ZNF385D: variants seen among roughly 807,000 people sequenced by gnomAD.
ZNF385D encodes the protein zinc finger protein 385D.
ZNF385D carries 15 observed loss-of-function variants against 35.8 expected under a neutral mutation model. That is an observed-to-expected ratio of 0.42 (90% CI 0.28 to 0.64). ZNF385D has a LOEUF of 0.64. Ranked by LOEUF, ZNF385D falls within the 30% of genes least tolerant of loss-of-function variation. ZNF385D has a pLI of 0.23. For missense variants in ZNF385D, 474 were observed against 494.6 expected, an observed-to-expected ratio of 0.96 and a Z score of 0.39; for synonymous variants, 212 against 186.8, an observed-to-expected ratio of 1.13 and a Z score of -1.10.
chr3:22,139,617 G>A (rs1484565567), intron 3 of ZNF385D, among the ~76,000 whole-genome samples: 2 of 151,832 alleles, frequency 1.3e-5, no homozygotes, highest in Non-Finnish European at 2.9e-5. Context: ...GCCTGTTGTG[G>A]GGTGGGGGGA....
At chr3:21,903,981 T>G (rs1438624400) in intron 3 of ZNF385D, among the ~76,000 whole-genome samples, 1 of 152,078 alleles carries the variant, frequency 6.6e-6, no homozygotes, top group Non-Finnish European at 1.5e-5. Flanking sequence ...TTTCAAAGGT[T>G]TGCATCCCCA....
intron 1 of ZNF385D, among the ~76,000 whole-genome samples, chr3:21,701,394 G>C (rs921351007): frequency 6.6e-6 from 1 of 152,098 alleles, no homozygotes; most frequent in African/African-American, 2.4e-5. Flanking sequence ...AATAGCACGG[G>C]AAAGACTGGG....
intron 3 of ZNF385D, among the ~76,000 whole-genome samples, chr3:21,884,715 A>G (rs182290214): frequency 6.6e-6 from 1 of 152,158 alleles, no homozygotes; most frequent in African/African-American, 2.4e-5. Context: ...GAAATACTAT[A>G]TAATTGTGTG....
chr3:21,848,620 A>C (rs961457932), intron 3 of ZNF385D, among the ~76,000 whole-genome samples: 2 of 152,050 alleles, frequency 1.3e-5, no homozygotes, highest in South Asian at 2.1e-4. Flanking sequence ...ACACATCAAC[A>C]AATTGGACAA....
Position 21,993,719 on chromosome 3 carries a change from A to G in ZNF385D, c.325+175098T>C, listed in dbSNP as rs546319953. On this transcript the variant is annotated intron_variant, in intron 3 of 5. Transcript: ENST00000494108. ...GAATCACAATGCAATGTTCCTTCCT[A>G]CTAATACAAAAACATTCCTGCAGAT... Among the ~76,000 whole-genome samples, 162 of 152,288 alleles carry G rather than the reference A, an allele frequency of 1.1e-3. 1 individual carries two copies. The highest frequency in any genetic ancestry group is 1.9e-3 in the Non-Finnish European group (131 of 68,028).
intron 2 of ZNF385D, among the ~76,000 whole-genome samples, chr3:21,634,737 A>G (rs2065378821): frequency 6.6e-6 from 1 of 151,256 alleles, no homozygotes; most frequent in South Asian, 2.1e-4. Context: ...ACAAACATCC[A>G]GCTATTCAAA....
intron 3 of ZNF385D, among the ~76,000 whole-genome samples, chr3:21,889,815 C>G (rs781056218): frequency 5.3e-5 from 8 of 152,086 alleles, no homozygotes; most frequent in Non-Finnish European, 7.4e-5. Flanking sequence ...AGTTTGTGAT[C>G]AAGTGTCAGC....
intron 2 of ZNF385D, among the ~76,000 whole-genome samples, chr3:22,287,073 T>C (rs1396315569): frequency 1.3e-5 from 2 of 152,098 alleles, no homozygotes; most frequent in Non-Finnish European, 2.9e-5. Flanking sequence ...GGTACATATG[T>C]ATTTACGATT....
intron 3 of ZNF385D, among the ~76,000 whole-genome samples, chr3:21,937,620 A>G (rs953000180): frequency 6.6e-6 from 1 of 152,130 alleles, no homozygotes; most frequent in African/African-American, 2.4e-5. Flanking sequence ...ATAGAAATAA[A>G]AAATTTTAAA....
intron 2 of ZNF385D, among the ~76,000 whole-genome samples, chr3:22,299,912 C>A (rs1255853359): frequency 2.6e-5 from 4 of 151,772 alleles, no homozygotes; most frequent in African/African-American, 7.3e-5. Flanking sequence ...AAATTTAATG[C>A]AATACTTATC....
chr3:21,494,385 T>G (rs1291354741), intron 4 of ZNF385D, among the ~76,000 whole-genome samples: 5 of 151,982 alleles, frequency 3.3e-5, no homozygotes, highest in Admixed American at 2.6e-4. Context: ...TCCTTAGGAG[T>G]GTTTGAGGGT....
chr3:22,038,363 T>C (rs981170361), intron 3 of ZNF385D, among the ~76,000 whole-genome samples: 4 of 152,186 alleles, frequency 2.6e-5, no homozygotes, highest in Non-Finnish European at 5.9e-5. Context: ...TTCTCACTTA[T>C]TATCAGCATG....
At chr3:22,020,884 T>C (rs537819924) in intron 3 of ZNF385D, among the ~76,000 whole-genome samples, 17 of 152,114 alleles carry the variant, frequency 1.1e-4, no homozygotes, top group African/African-American at 3.4e-4. Flanking sequence ...TAAGTGTCCA[T>C]GAACAGGTCA....
At chr3:22,099,257 A>T (rs1420878246) in intron 3 of ZNF385D, among the ~76,000 whole-genome samples, 8 of 152,126 alleles carry the variant, frequency 5.3e-5, no homozygotes, top group Non-Finnish European at 5.9e-5. Flanking sequence ...ATATACCCAC[A>T]TATATAAATA....
At chr3:21,667,923 TAAA>T (rs1168885031) in intron 1 of ZNF385D, among the ~76,000 whole-genome samples, 2 of 152,220 alleles carry the variant, frequency 1.3e-5, no homozygotes, top group East Asian at 3.9e-4. Flanking sequence ...TCCTAGGGGT[TAAA>T]AAAACCTTCA....
chr3:22,270,906 TCTTA>T (rs1405903261), intron 2 of ZNF385D, among the ~76,000 whole-genome samples: 1 of 152,038 alleles, frequency 6.6e-6, no homozygotes, highest in Admixed American at 6.6e-5. Context: ...CACACAAACT[TCTTA>T]CTGTGTTCAT....
At chr3:21,830,852 G>A (rs1575737412) in intron 3 of ZNF385D, among the ~76,000 whole-genome samples, 1 of 152,318 alleles carries the variant, frequency 6.6e-6, no homozygotes, top group East Asian at 1.9e-4. Context: ...ACTCTGGAGT[G>A]TATCCAGAGG....
At chr3:22,226,988 C>T (rs1698596576) in intron 2 of ZNF385D, among the ~76,000 whole-genome samples, 1 of 152,120 alleles carries the variant, frequency 6.6e-6, no homozygotes, top group South Asian at 2.1e-4. Context: ...ACTCTTGTTA[C>T]TCATGGTGTG....
chr3:22,271,618 T>C (rs1444430150), intron 2 of ZNF385D, among the ~76,000 whole-genome samples: 1 of 151,934 alleles, frequency 6.6e-6, no homozygotes, highest in Non-Finnish European at 1.5e-5. Flanking sequence ...TTGTGTTTCC[T>C]GAAACACAAC....
Sources: gnomAD v4.1 joint callset for allele counts (sites outside exome capture counted in the v4.1 genomes callset) on GRCh38, gnomAD v4.1.1 for gene constraint, MANE v1.5 for transcripts, NCBI Gene and HGNC (gene_info 2026-07-23, HGNC 2026-07-21) for gene names.